The following ZNF639 variants were observed in gnomAD, a reference collection of about 807,000 sequenced individuals.
ZNF639 encodes zinc finger protein 639.
In ZNF639, 20 loss-of-function variants were observed where a neutral mutation model predicts 39.8. The ratio of observed to expected loss-of-function variants is 0.50; its 90% CI spans 0.35 to 0.73. The LOEUF (loss-of-function observed/expected upper bound fraction) is 0.73. Among genes scored for constraint, ZNF639 ranks in the 30% least tolerant of loss-of-function variants. The pLI is 0.00. For synonymous variants in ZNF639, 176 were observed against 189.8 expected (o/e 0.93, Z 0.60); for missense variants, 477 against 566.2 (o/e 0.84, Z 1.60).
chr3:179,336,087 G>C lies in ZNF639; in HGVS notation c.*1665G>C, dbSNP rs1476285367. On this transcript the variant is annotated 3_prime_UTR_variant, in exon 6 of 6. Transcript: ENST00000496856. ...ATTACAGGCATGAGGCACCGCCCCA[G>C]GCCAAATTTCTTGTTTTTATAAAGA... The C allele has an allele frequency of 6.6e-6, 1 of 152,078 alleles. No individual in the cohort carries two copies. Among genetic ancestry groups the C allele is most frequent in the Non-Finnish European group, 1.5e-5 (1 of 68,024 alleles). The allele number at this position is 152,078 out of a possible 1,614,324, so 9.4% of individuals were successfully genotyped here.
intron 1 of ZNF639, 98 bp downstream of exon 1, chr3:179,323,389 C>T (rs1003732755): frequency 3.2e-5 from 32 of 985,294 alleles, no homozygotes; most frequent in Non-Finnish European, 3.6e-5. Context: ...CGGGAGAGAC[C>T]GGAGCTCCCT....
In ZNF639 at chr3:179,328,175, G is replaced by C. The variant is rs1246463994; in HGVS notation, c.-11-108G>C. On this transcript the variant is annotated intron_variant, in intron 2 of 5. Coordinates refer to ENST00000496856, the MANE Select transcript of ZNF639 (RefSeq NM_001303426.2). ...CTTTTCTTATACCATAGATTTTCAG[G>C]TGGCTCACATATTTCATATTGCCAA... 28 of 588,972 alleles carry C rather than the reference G, an allele frequency of 4.8e-5. No homozygotes were observed. In the East Asian group the frequency reaches 8.9e-4, roughly 19 times the overall value. The allele number at this position is 588,972 out of a possible 1,614,324, so 36.5% of individuals were successfully genotyped here. A position where few individuals can be genotyped will look rare whatever the true frequency, so the allele number is the denominator to read the frequency against.
At chr3:179,333,173 T>TA (rs752418172) in intron 5 of ZNF639, 50 bp downstream of exon 5, 18 of 1,563,744 alleles carry the variant, frequency 1.2e-5, no homozygotes, top group Non-Finnish European at 1.3e-5. Flanking sequence ...TGGTGAATTT[T>TA]AAAAAAAGTG....
chr3:179,326,954 C>G (rs1576987786), intron 1 of ZNF639, among the ~76,000 whole-genome samples: 1 of 152,000 alleles, frequency 6.6e-6, no homozygotes, highest in Admixed American at 6.6e-5. Context: ...CTTTGGGAGG[C>G]CCAGGTGGGT....
intron 2 of ZNF639, 199 bp from the exon 3 acceptor site, chr3:179,328,084 A>G: frequency 2.5e-6 from 1 of 399,228 alleles, no homozygotes; most frequent in Non-Finnish European, 4.5e-6. Flanking sequence ...GAAAACAGAA[A>G]TCAGTTTCTG....
Position 179,336,873 on chromosome 3 carries a change from A to G in ZNF639, c.*2451A>G, listed in dbSNP as rs181099387. 23 of 152,308 alleles carry G rather than the reference A, an allele frequency of 1.5e-4. No individual in the cohort carries two copies. Among genetic ancestry groups the G allele is most frequent in the Non-Finnish European group, 2.9e-4 (20 of 68,024 alleles). The allele number at this position is 152,308 out of a possible 1,614,324, so 9.4% of individuals were successfully genotyped here. A position where few individuals can be genotyped will look rare whatever the true frequency, so the allele number is the denominator to read the frequency against. ...TTATACATCTAGCTCCAGGAATTGGATTTTTGGAAAAACACCTTAAGTAAT... is the reference window on the plus strand; with the variant it reads ...TTATACATCTAGCTCCAGGAATTGGGTTTTTGGAAAAACACCTTAAGTAAT... On this transcript the variant is annotated 3_prime_UTR_variant, in exon 6 of 6. Coordinates refer to ENST00000496856, the MANE Select transcript of ZNF639 (RefSeq NM_001303426.2).
intron 4 of ZNF639, among the ~76,000 whole-genome samples, chr3:179,332,270 C>T (rs1364786909): frequency 1.3e-5 from 2 of 152,190 alleles, no homozygotes; most frequent in Admixed American, 1.3e-4. Context: ...CCATACTATC[C>T]TCTCAGATTT....
At position 179,323,051 on chromosome 3, in the gene ZNF639, G is replaced by A. The variant is rs1266133049; in HGVS notation, c.-323G>A. 3.0e-6 allele frequency: 3 copies of A among 984,980 alleles called. No individual in the cohort carries two copies. The highest frequency in any genetic ancestry group is 6.2e-5 in the Admixed American group (1 of 16,206). 61.0% of individuals were successfully genotyped at this position (984,980 alleles called of 1,614,324 possible). A position where few individuals can be genotyped will look rare whatever the true frequency, so the allele number is the denominator to read the frequency against. ...CCCCTGAGGTGCGCGGCGCAGGCGC[G>A]GAGCGTGGCGGCCAGGGCAGTGCGG... On this transcript the variant is annotated 5_prime_UTR_variant, in exon 1 of 6. Transcript: ENST00000496856.
intron 4 of ZNF639, 30 bp from the exon 5 acceptor site, chr3:179,332,959 A>G (rs1230959890): frequency 1.3e-6 from 2 of 1,519,986 alleles, no homozygotes; most frequent in South Asian, 1.3e-5. Flanking sequence ...TGTATAAATA[A>G]TAAGTATTCT....
chr3:179,333,080 C>T lies in ZNF639; in HGVS notation c.261C>T (p.Pro87=). Residue 87 remains proline (P), a synonymous_variant, in exon 5 of 6, where the codon CCC becomes CCT. Transcript: ENST00000496856. ...ACAGAAATCAGAACTACCTGGTTCC[C>T]AGTCCTGTACTTAGAATTCTAGACC... The part of the protein sequence containing the change: ...ARNRNQNYLV[P]SPVLRILDHT... 1.3e-6 allele frequency: 2 copies of T among 1,595,548 alleles called. No individual in the cohort carries two copies. The highest frequency in any genetic ancestry group is 1.7e-6 in the Non-Finnish European group (2 of 1,169,904).
rs928321956 is a variant in ZNF639, at chr3:179,336,064, T to A, written c.*1642T>A. 1 of 152,236 alleles carries A rather than the reference T, an allele frequency of 6.6e-6. No homozygotes were observed. Among genetic ancestry groups the A allele is most frequent in the Non-Finnish European group, 1.5e-5 (1 of 68,100 alleles). The allele number at this position is 152,236 out of a possible 1,614,324, so 9.4% of individuals were successfully genotyped here. On this transcript the variant is annotated 3_prime_UTR_variant, in exon 6 of 6. Coordinates refer to ENST00000496856, the MANE Select transcript of ZNF639 (RefSeq NM_001303426.2). ...CCTCAGTCTCCCAAAGTGCTGGGAT[T>A]ACAGGCATGAGGCACCGCCCCAGGC...
intron 4 of ZNF639, among the ~76,000 whole-genome samples, chr3:179,330,880 C>T (rs1404861852): frequency 1.3e-5 from 2 of 152,206 alleles, no homozygotes; most frequent in Non-Finnish European, 2.9e-5. Flanking sequence ...CAGATGGCTA[C>T]ATACAGAATG....
chr3:179,333,913 T>C lies in ZNF639; in HGVS notation c.949T>C (p.Tyr317His). The C allele has an allele frequency of 1.2e-6, 2 of 1,614,172 alleles. No homozygotes were observed. The highest frequency in any genetic ancestry group is 2.7e-5 in the African/African-American group (2 of 75,058). ...CCAGGAGCACAGCTGTGATGAACAGTACTTGTGTCAGTTCTGTGAACATGA... is the reference window on the plus strand; with the variant it reads ...CCAGGAGCACAGCTGTGATGAACAGCACTTGTGTCAGTTCTGTGAACATGA... ...HFQEHSCDEQ[Y>H]LCQFCEHETN... is the part of the protein sequence containing the mutation. Residue 317 changes from tyrosine (Y) to histidine (H), a missense_variant, in exon 6 of 6, where the codon TAC becomes CAC. Tyr to His is a moderately conservative substitution (Grantham distance 83). Coordinates refer to ENST00000496856, the MANE Select transcript of ZNF639 (RefSeq NM_001303426.2).
At chr3:179,325,958 T>C (rs988084574) in intron 1 of ZNF639, among the ~76,000 whole-genome samples, 1 of 152,176 alleles carries the variant, frequency 6.6e-6, no homozygotes, top group Non-Finnish European at 1.5e-5. Context: ...AGTGCTGATA[T>C]ACCCAGAACT....
At position 179,331,334 on chromosome 3, in the gene ZNF639, C is replaced by T. The variant is rs188606498; in HGVS notation, c.169+1606C>T. On this transcript the variant is annotated intron_variant, in intron 4 of 5. Coordinates refer to ENST00000496856, the MANE Select transcript of ZNF639 (RefSeq NM_001303426.2). ...TGCAGAAAAATTCCAAATTATTAGA[C>T]TTCATCTTAGCCAAAAGGCCAAGAA... 2.1e-3 allele frequency among the ~76,000 whole-genome samples: 314 copies of T among 152,254 alleles called. 1 individual carries two copies. The highest frequency in any genetic ancestry group is 3.4e-3 in the Middle Eastern group (1 of 294).
At position 179,337,769 on chromosome 3, in the gene ZNF639, T is replaced by G. The variant is rs1711591943; in HGVS notation, c.*3347T>G. On this transcript the variant is annotated 3_prime_UTR_variant, in exon 6 of 6. Transcript: ENST00000496856. ...ATAAATTGCTTGAAGTAGTTGGTCT[T>G]TATTTATTTATTTTTTGAGATGGAG... The G allele has an allele frequency of 6.6e-6, 1 of 151,906 alleles. No individual in the cohort carries two copies. The highest frequency in any genetic ancestry group is 2.1e-4 in the South Asian group (1 of 4,812). The allele number at this position is 151,906 out of a possible 1,614,324, so 9.4% of individuals were successfully genotyped here.
At chr3:179,323,849 T>C (rs745885486) in intron 1 of ZNF639, 1 of 152,242 alleles carries the variant, frequency 6.6e-6, no homozygotes, top group African/African-American at 2.4e-5. Flanking sequence ...GTGACGGTGC[T>C]TAGAAACCCC....
At position 179,335,073 on chromosome 3, in the gene ZNF639, A is replaced by G. The variant is rs1728144589; in HGVS notation, c.*651A>G. On this transcript the variant is annotated 3_prime_UTR_variant, in exon 6 of 6. Transcript: ENST00000496856. ...TAACTTGATGTTTCATTTTCTGTTG[A>G]GGAACCATAAATTCATTCACAGACT... 1.3e-5 allele frequency: 2 copies of G among 152,202 alleles called. No individual in the cohort carries two copies. Among genetic ancestry groups the G allele is most frequent in the African/African-American group, 4.8e-5 (2 of 41,452 alleles). The allele number at this position is 152,202 out of a possible 1,614,324, so 9.4% of individuals were successfully genotyped here.
At position 179,333,250 on chromosome 3, in the gene ZNF639, G is replaced by C; in HGVS notation, c.305-19G>C. 1 of 1,584,518 alleles carries C rather than the reference G, an allele frequency of 6.3e-7. No individual in the cohort carries two copies. Among genetic ancestry groups the C allele is most frequent in the Non-Finnish European group, 8.6e-7 (1 of 1,166,926 alleles). ...CTTATTTAGTTATAGTCATATAATA[G>C]GTTTGTTTTATTCTTCAGAAAAATC... On this transcript the variant is annotated intron_variant, in intron 5 of 5. Coordinates refer to ENST00000496856, the MANE Select transcript of ZNF639 (RefSeq NM_001303426.2).
Sources: allele counts gnomAD v4.1 joint callset (sites outside exome capture counted in the v4.1 genomes callset), GRCh38; gene constraint gnomAD v4.1.1; transcripts MANE v1.5; gene names NCBI Gene and HGNC (gene_info 2026-07-23, HGNC 2026-07-21).